Variants in CSMD1 observed in about 807,000 individuals in gnomAD.
CSMD1 encodes the protein CUB and Sushi multiple domains 1.
In CSMD1, 213 loss-of-function variants were observed where a neutral mutation model predicts 417.5. The observed-to-expected ratio is 0.51, with a 90% confidence interval of 0.46 to 0.57. CSMD1 has a LOEUF of 0.57. CSMD1 is among the 20% of genes least tolerant of loss of function. The probability of loss-of-function intolerance (pLI) is 0.00; values close to 1 mark genes in which losing one functional copy is unlikely to be tolerated. For missense variants in CSMD1, 6,923 were observed against 4,529.7 expected (o/e 1.53, Z -15.17); for synonymous variants, 2,862 against 1,736.8 (o/e 1.65, Z -16.11).
chr8:4,428,921 C>A (rs1797714048), intron 2 of CSMD1, among the ~76,000 whole-genome samples: 2 of 151,924 alleles, frequency 1.3e-5, no homozygotes, highest in African/African-American at 4.8e-5. Flanking sequence ...CACCATTTGG[C>A]CAGGCTGGTC....
chr8:3,435,020 C>T (rs12676125), intron 12 of CSMD1, among the ~76,000 whole-genome samples: 25 of 149,164 alleles, frequency 1.7e-4, no homozygotes, highest in Admixed American at 2.9e-4. Flanking sequence ...TGGTAGCAGA[C>T]AGGACTGGGA....
At chr8:3,571,549 C>T (rs193243235) in intron 10 of CSMD1, among the ~76,000 whole-genome samples, 3 of 151,330 alleles carry the variant, frequency 2.0e-5, no homozygotes, top group Admixed American at 6.8e-5. Context: ...TCACCCACGG[C>T]GTCATCTCTC....
chr8:4,222,671 G>C (rs1357109734), intron 3 of CSMD1, among the ~76,000 whole-genome samples: 1 of 152,162 alleles, frequency 6.6e-6, no homozygotes, highest in Non-Finnish European at 1.5e-5. Context: ...GCCAAATTCA[G>C]TAACACAACT....
At chr8:4,529,884 T>A (rs1437162577) in intron 2 of CSMD1, among the ~76,000 whole-genome samples, 1 of 136,216 alleles carries the variant, frequency 7.3e-6, no homozygotes, top group East Asian at 2.1e-4. Context: ...TTTTTTTTTT[T>A]TAAATTTATT....
At chr8:3,207,236 AC>A (rs2116768933) in intron 30 of CSMD1, among the ~76,000 whole-genome samples, 1 of 129,552 alleles carries the variant, frequency 7.7e-6, no homozygotes, top group East Asian at 2.3e-4. Context: ...AACCTCCGCC[AC>A]CCGGGTTCAA....
intron 4 of CSMD1, 96 bp from the exon 5 acceptor site, chr8:3,998,206 A>G (rs1815374112): frequency 8.8e-7 from 1 of 1,138,578 alleles, no homozygotes; most frequent in Non-Finnish European, 1.2e-6. Flanking sequence ...AGCGACAAAT[A>G]TTTTCTGAAC....
intron 26 of CSMD1, among the ~76,000 whole-genome samples, chr8:3,240,897 A>T (rs1585759007): frequency 6.6e-6 from 1 of 152,122 alleles, no homozygotes; most frequent in Admixed American, 6.6e-5. Flanking sequence ...TTAAGAGGTC[A>T]TGCTGTAGCA....
chr8:4,464,644 C>G (rs1417392570), intron 2 of CSMD1, among the ~76,000 whole-genome samples: 1 of 152,100 alleles, frequency 6.6e-6, no homozygotes, highest in East Asian at 1.9e-4. Flanking sequence ...CAAGTTGAAC[C>G]ATGGTAAGTC....
At chr8:3,581,749 C>T (rs1800391937) in intron 9 of CSMD1, among the ~76,000 whole-genome samples, 1 of 152,118 alleles carries the variant, frequency 6.6e-6, no homozygotes, top group Non-Finnish European at 1.5e-5. Context: ...ATCAGGCCAC[C>T]TTTAGAGGCT....
intron 5 of CSMD1, among the ~76,000 whole-genome samples, chr8:3,772,462 TATATAC>T (rs1369036676): frequency 0.011 from 826 of 72,934 alleles, 280 homozygotes; most frequent in Non-Finnish European, 0.017. Context: ...TATATATACA[TATATAC>T]ACATATATAT....
chr8:3,587,961 G>A (rs546004975), intron 8 of CSMD1, among the ~76,000 whole-genome samples: 8 of 152,020 alleles, frequency 5.3e-5, no homozygotes, highest in Non-Finnish European at 8.8e-5. Flanking sequence ...AAACCCAGTC[G>A]TGATTCCCAT....
chr8:3,334,258 T>C (rs1444001488), intron 23 of CSMD1, among the ~76,000 whole-genome samples: 1 of 152,200 alleles, frequency 6.6e-6, no homozygotes, highest in Non-Finnish European at 1.5e-5. Context: ...GATTCTGACA[T>C]ACCCTGCTCT....
At chr8:4,401,798 C>G (rs752566923) in intron 3 of CSMD1, among the ~76,000 whole-genome samples, 7 of 152,142 alleles carry the variant, frequency 4.6e-5, no homozygotes, top group African/African-American at 9.7e-5. Flanking sequence ...AGTGCTTCCT[C>G]TCTCACTCAC....
At chr8:4,232,443 C>T (rs570872744) in intron 3 of CSMD1, among the ~76,000 whole-genome samples, 1 of 152,256 alleles carries the variant, frequency 6.6e-6, no homozygotes, top group Admixed American at 6.5e-5. Context: ...AGGTGATCTG[C>T]CCACCTCAGA....
At chr8:3,709,680 GTTTTTTTTTTTTTT>G (rs56272726) in intron 6 of CSMD1, among the ~76,000 whole-genome samples, 5 of 33,702 alleles carry the variant, frequency 1.5e-4, no homozygotes, top group South Asian at 9.6e-4. Context: ...GCAGCAGCAT[GTTTTTTTTTTTTTT>G]TTTTTTTTTT....
rs60545803 is a variant in CSMD1, at chr8:4,141,631, C to T, written c.416-109532G>A. On this transcript the variant is annotated intron_variant, in intron 3 of 69. Transcript: ENST00000635120. ...ACGATTCCTCCACTATATTTTCACCCTAATTCACAAGTTTTTTAAATCTCC... is the reference window on the plus strand; with the variant it reads ...ACGATTCCTCCACTATATTTTCACCTTAATTCACAAGTTTTTTAAATCTCC... 1.4e-3 allele frequency among the ~76,000 whole-genome samples: 204 copies of T among 145,886 alleles called. 13 individuals carry two copies. Among genetic ancestry groups the T allele is most frequent in the African/African-American group, 4.9e-3 (195 of 39,770 alleles).
chr8:3,659,530 G>A (rs1050092838), intron 7 of CSMD1, among the ~76,000 whole-genome samples: 2 of 152,114 alleles, frequency 1.3e-5, no homozygotes. Flanking sequence ...CAGCTGTCCT[G>A]GGATGATCCT....
At chr8:3,770,760 C>G (rs896251296) in intron 5 of CSMD1, among the ~76,000 whole-genome samples, 1 of 152,070 alleles carries the variant, frequency 6.6e-6, no homozygotes, top group African/African-American at 2.4e-5. Flanking sequence ...CCATTCCCCG[C>G]CAAACCCATA....
At position 3,578,089 on chromosome 8, in the gene CSMD1, G is replaced by A. The variant is rs184736656; in HGVS notation, c.1223-3023C>T. On this transcript the variant is annotated intron_variant, in intron 9 of 69. Transcript: ENST00000635120. ...TTCTCTGAATTTCATAGTGGAGAGA[G>A]AAGAGCCAACATACAGTCCTCCATC... Among the ~76,000 whole-genome samples, 247 of 152,298 alleles carry A rather than the reference G, an allele frequency of 1.6e-3. 2 individuals carry two copies. Among genetic ancestry groups the A allele is most frequent in the African/African-American group, 5.7e-3 (237 of 41,568 alleles).
Sources: allele counts gnomAD v4.1 joint callset (sites outside exome capture counted in the v4.1 genomes callset), GRCh38; gene constraint gnomAD v4.1.1; transcripts MANE v1.5; gene names NCBI Gene and HGNC (gene_info 2026-07-23, HGNC 2026-07-21).